DPH1: variants seen among roughly 807,000 people sequenced by gnomAD.
DPH1 encodes diphthamide biosynthesis 1.
Under a neutral mutation model 55.3 loss-of-function variants are expected in DPH1, and 59 were observed. That is an observed-to-expected ratio of 1.07 (90% confidence interval 0.87 to 1.33). DPH1 has a LOEUF of 1.33. Among genes scored for constraint, DPH1 ranks in the 40% most tolerant of loss-of-function variants. DPH1 has a pLI of 0.00. For missense variants in DPH1, 628 were observed against 584.8 expected, an observed-to-expected ratio of 1.07 and a Z score of -0.76; for synonymous variants, 238 against 235.5, an observed-to-expected ratio of 1.01 and a Z score of -0.10.
At position 2,041,629 on chromosome 17, in the gene DPH1, G is replaced by C. The variant is rs1243872863; in HGVS notation, c.1227+8G>C. The stretch of plus-strand genomic sequence containing the variant: ...CGGCCCGCGCGGGGGAAGGTAGGCG[G>C]GGGCTTCCAGGAGGGAGGAGAGACC... On this transcript the variant is annotated splice_region_variant and intron_variant, in intron 11 of 12. Coordinates refer to ENST00000263083, the MANE Select transcript of DPH1 (RefSeq NM_001383.6). 1 of 1,600,834 alleles carries C rather than the reference G, an allele frequency of 6.2e-7. No homozygotes were observed. The highest frequency in any genetic ancestry group is 1.7e-5 in the Admixed American group (1 of 57,180).
Position 2,035,791 on chromosome 17 carries a change from G to A in DPH1, c.279-179G>A, listed in dbSNP as rs1254201700. Among the ~76,000 whole-genome samples the A allele has an allele frequency of 2.0e-5, 3 of 152,078 alleles. No individual in the cohort carries two copies. The South Asian group carries it at 6.2e-4, about 31-fold the overall frequency. ...GTTCCAGGAGCGGCTGCCAGGCTGG[G>A]GCAGGCGGCAGCTGTGCCCCTCCTA... On this transcript the variant is annotated intron_variant, in intron 3 of 12. Coordinates refer to ENST00000263083, the MANE Select transcript of DPH1 (RefSeq NM_001383.6).
intron 3 of DPH1, 109 bp downstream of exon 3, chr17:2,033,951 C>A: frequency 1.6e-6 from 2 of 1,234,472 alleles, no homozygotes; most frequent in Non-Finnish European, 2.3e-6. Context: ...CCTTCTGAAC[C>A]TCCACCTTCC....
Position 2,039,738 on chromosome 17 carries a change from C to T in DPH1, c.681-17C>T. On this transcript the variant is annotated splice_polypyrimidine_tract_variant and intron_variant, in intron 6 of 12. Coordinates refer to ENST00000263083, the MANE Select transcript of DPH1 (RefSeq NM_001383.6). ...TGCTGCCCTAAACCACACTTAGCCT[C>T]CTTTCCACCCCTGCAGGTATCTTGG... 1 of 1,614,134 alleles carries T rather than the reference C, an allele frequency of 6.2e-7. No individual in the cohort carries two copies. The highest frequency in any genetic ancestry group is 8.5e-7 in the Non-Finnish European group (1 of 1,180,012).
chr17:2,040,881 A>G, intron 9 of DPH1: 2 of 635,452 alleles, frequency 3.1e-6, no homozygotes. Flanking sequence ...TGGGGATACT[A>G]TCACCAGTGA....
chr17:2,042,075 C>A lies in DPH1; in HGVS notation c.*18+200C>A, dbSNP rs769738680. 29 of 1,561,856 alleles carry A rather than the reference C, an allele frequency of 1.9e-5. No individual in the cohort carries two copies. In the African/African-American group the frequency reaches 3.7e-4, roughly 20 times the overall value. On this transcript the variant is annotated intron_variant, in intron 12 of 12. Coordinates refer to ENST00000263083, the MANE Select transcript of DPH1 (RefSeq NM_001383.6). ...GGCCGCGCAGCGACCCCTGCGGGTC[C>A]TGTGCCTGGCGGGCTTCCGGCAGAG...
In DPH1 at chr17:2,036,819, C is replaced by G. The variant is rs2067434089; in HGVS notation, c.559-16C>G. On this transcript the variant is annotated splice_polypyrimidine_tract_variant and intron_variant, in intron 5 of 12. Transcript: ENST00000263083. The surrounding 1 kb of genome is among the most constrained non-coding windows in gnomAD (Gnocchi z 4.8). ...TGCCCCAGCCGCTGGCTTCACTTCC[C>G]TCGTCATTCCTACAGGCAGCCGCCC... 4 of 1,612,678 alleles carry G rather than the reference C, an allele frequency of 2.5e-6. No homozygotes were observed. The East Asian group carries it at 6.7e-5, about 27-fold the overall frequency.
In DPH1 at chr17:2,038,047, C is replaced by T. The variant is rs142854342; in HGVS notation, c.680+1091C>T. 1.1e-3 allele frequency among the ~76,000 whole-genome samples: 167 copies of T among 151,112 alleles called. 1 individual carries two copies. The highest frequency in any genetic ancestry group is 3.8e-3 in the African/African-American group (155 of 41,152). On this transcript the variant is annotated intron_variant, in intron 6 of 12. Transcript: ENST00000263083. ...GCTGTTGGCCGGGCACAGTGGCTCA[C>T]GCCTGTAATCTCAACACTTTGGGAG...
intron 12 of DPH1, chr17:2,042,354 T>G: frequency 2.2e-6 from 3 of 1,346,666 alleles, no homozygotes; most frequent in Non-Finnish European, 2.9e-6. Flanking sequence ...TCCACACCCT[T>G]CATTTCTCGC....
chr17:2,039,781 T>C lies in DPH1; in HGVS notation c.707T>C (p.Leu236Pro). The C allele has an allele frequency of 6.2e-7, 1 of 1,614,182 alleles. No individual in the cohort carries two copies. Among genetic ancestry groups the C allele is most frequent in the Non-Finnish European group, 8.5e-7 (1 of 1,180,026 alleles). The change falls in exon 7 of 13, where the codon CTG becomes CCG. Residue 236 changes from leucine (L) to proline (P), a missense_variant. By Grantham distance (98) the Leu-to-Pro change is moderately conservative. Transcript: ENST00000263083. ...VVYLGDGRFH[L>P]ESVMIANPNV... The stretch of plus-strand genomic sequence containing the variant: ...TATCTTGGAGATGGCCGCTTCCATC[T>C]GGAGTCTGTCATGATTGCCAACCCC...
intron 6 of DPH1, among the ~76,000 whole-genome samples, chr17:2,037,518 C>T (rs971723245): frequency 6.6e-6 from 1 of 152,092 alleles, no homozygotes; most frequent in Non-Finnish European, 1.5e-5. Flanking sequence ...CACCCCTGTC[C>T]CTAGACAGGC....
rs1239986247 is a variant in DPH1, at chr17:2,036,838, G to T, written c.562G>T (p.Ala188Ser). Residue 188 changes from alanine (A) to serine (S), a missense_variant, in exon 6 of 13, where the codon GCC becomes TCC. By Grantham distance (99) the Ala-to-Ser change is moderately conservative. Coordinates refer to ENST00000263083, the MANE Select transcript of DPH1 (RefSeq NM_001383.6). The surrounding 1 kb of genome is among the most constrained non-coding windows in gnomAD (Gnocchi z 4.8). ...ACTTCCCTCGTCATTCCTACAGGCAGCCGCCCAGGAGCTGAAAGCCGAGTA... is the reference window on the plus strand; with the variant it reads ...ACTTCCCTCGTCATTCCTACAGGCATCCGCCCAGGAGCTGAAAGCCGAGTA... ...TIQFVSTLQAAAQELKAEYRV... is the reference protein window; with the variant it reads ...TIQFVSTLQASAQELKAEYRV... 1 of 1,613,282 alleles carries T rather than the reference G, an allele frequency of 6.2e-7. No homozygotes were observed. The highest frequency in any genetic ancestry group is 1.1e-5 in the South Asian group (1 of 91,042).
chr17:2,035,580 A>C (rs1246044399), intron 3 of DPH1, among the ~76,000 whole-genome samples: 1 of 138,534 alleles, frequency 7.2e-6, no homozygotes, highest in Non-Finnish European at 1.6e-5. Flanking sequence ...AGCCACGCCC[A>C]TGCCCACCAC....
At chr17:2,030,787 A>G (rs2067320572) in intron 1 of DPH1, among the ~76,000 whole-genome samples, 1 of 152,346 alleles carries the variant, frequency 6.6e-6, no homozygotes, top group Non-Finnish European at 1.5e-5. Flanking sequence ...CTTACACGCC[A>G]GCGACCACTA....
At chr17:2,035,285 G>A (rs1031489540) in intron 3 of DPH1, among the ~76,000 whole-genome samples, 21 of 150,128 alleles carry the variant, frequency 1.4e-4, no homozygotes, top group Non-Finnish European at 2.8e-4. Flanking sequence ...CAGTTCCCAC[G>A]GCAGTGTTCT....
rs775333931 is a variant in DPH1, at chr17:2,043,042, A to T, written c.*456A>T. 3 of 1,613,978 alleles carry T rather than the reference A, an allele frequency of 1.9e-6. No individual in the cohort carries two copies. The Admixed American group carries it at 5.0e-5, about 27-fold the overall frequency. ...CCTCACCCACTCTGGTGGCCACTTC[A>T]TTCCAGCAGCTGCACCCCAGCGTCA... is the stretch of plus-strand genomic sequence containing the variant. On this transcript the variant is annotated 3_prime_UTR_variant, in exon 13 of 13. Transcript: ENST00000263083.
At position 2,031,347 on chromosome 17, in the gene DPH1, G is replaced by A. The variant is rs567510767; in HGVS notation, c.61+1117G>A. 2.4e-3 allele frequency among the ~76,000 whole-genome samples: 362 copies of A among 152,104 alleles called. 1 individual carries two copies. The highest frequency in any genetic ancestry group is 4.4e-3 in the Non-Finnish European group (297 of 67,978). On this transcript the variant is annotated intron_variant, in intron 1 of 12. Transcript: ENST00000263083. ...AGGCTGAGGCGGGCGGATTACCTGA[G>A]GTCAGGAGTTTGAGACCAGCCTGGC...
Position 2,041,463 on chromosome 17 carries a change from C to T in DPH1, c.1087-18C>T, listed in dbSNP as rs1280907616. The T allele has an allele frequency of 3.1e-6, 5 of 1,590,856 alleles. No individual in the cohort carries two copies. Among genetic ancestry groups the T allele is most frequent in the Middle Eastern group, 1.7e-4 (1 of 5,934 alleles). On this transcript the variant is annotated intron_variant, in intron 10 of 12. Transcript: ENST00000263083. Reference sequence around the variant, plus strand: ...AAAACACTGGCAGATGTTATTGTCCCTCCCTCCCCTCCCCTAGGCGGCCGT... The same window carrying T: ...AAAACACTGGCAGATGTTATTGTCCTTCCCTCCCCTCCCCTAGGCGGCCGT...
chr17:2,040,629 T>G (rs755153813), intron 9 of DPH1, 24 bp downstream of exon 9: 3 of 1,608,400 alleles, frequency 1.9e-6, no homozygotes, highest in South Asian at 2.2e-5. Context: ...TGGCTATGAC[T>G]GGCTAAAGAA....
intron 1 of DPH1, 27 bp from the exon 2 acceptor site, chr17:2,033,478 C>T (rs2067358385): frequency 5.0e-6 from 8 of 1,613,558 alleles, no homozygotes; most frequent in Non-Finnish European, 6.8e-6. Context: ...AAGACAGACA[C>T]CAACTCAGGC....
Sources: gnomAD v4.1 joint callset for allele counts (sites outside exome capture counted in the v4.1 genomes callset) on GRCh38, gnomAD v4.1.1 for gene constraint, Gnocchi (gnomAD v3.1) non-coding constraint, MANE v1.5 for transcripts, NCBI Gene and HGNC (gene_info 2026-07-23, HGNC 2026-07-21) for gene names.